The following LPCAT2 variants were observed in gnomAD, a reference collection of about 807,000 sequenced individuals.
The protein encoded by LPCAT2 is lysophosphatidylcholine acyltransferase 2, also known as 1-AGP acyltransferase 11.
LPCAT2 carries 58 observed loss-of-function variants against 64.7 expected under a neutral mutation model. The observed-to-expected ratio is 0.90, with a 90% CI of 0.73 to 1.12. The LOEUF (loss-of-function observed/expected upper bound fraction) is 1.12. Ranked by LOEUF, LPCAT2 falls within the 50% of genes most tolerant of loss-of-function variation. The pLI, the probability that LPCAT2 is intolerant of heterozygous loss-of-function variation, is 0.00. For missense variants in LPCAT2, 579 were observed against 669.8 expected (o/e 0.86, Z 1.50); for synonymous variants, 252 against 245.3 (o/e 1.03, Z -0.26).
chr16:55,567,107 C>T, intron 11 of LPCAT2: 3 of 1,613,794 alleles, frequency 1.9e-6, no homozygotes, highest in South Asian at 1.1e-5. Flanking sequence ...TTAAGACTGA[C>T]GGTTTTAGTC....
chr16:55,509,991 C>CTT lies in LPCAT2; in HGVS notation c.171+655_171+656dup, dbSNP rs57496150. ...TACGGGAGAGTAGATTTGAAGAAGT[C>CTT]TTTTTTTTTTTTTTTTTGCCTTAGG... On this transcript the variant is annotated intron_variant, in intron 1 of 13. Transcript: ENST00000262134. Among the ~76,000 whole-genome samples, 52 of 102,540 alleles carry CTT rather than the reference C, an allele frequency of 5.1e-4. 1 individual carries two copies. Among genetic ancestry groups the CTT allele is most frequent in the African/African-American group, 7.7e-4 (21 of 27,212 alleles). 67.3% of individuals were successfully genotyped at this position (102,540 alleles called of 152,430 possible). A position where few individuals can be genotyped will look rare whatever the true frequency, so the allele number is the denominator to read the frequency against.
intron 10 of LPCAT2, 33 bp from the exon 11 acceptor site, chr16:55,550,916 A>G: frequency 2.0e-6 from 3 of 1,509,204 alleles, no homozygotes; most frequent in Non-Finnish European, 2.7e-6. Flanking sequence ...TAAAGGGCTA[A>G]TAACATGTAT....
Position 55,550,891 on chromosome 16 carries a change from T to C in LPCAT2, c.1062-58T>C, listed in dbSNP as rs187827902. The C allele has an allele frequency of 2.0e-4, 259 of 1,285,710 alleles. 1 individual carries two copies. Among genetic ancestry groups the C allele is most frequent in the Middle Eastern group, 1.1e-3 (5 of 4,710 alleles). 79.6% of individuals were successfully genotyped at this position (1,285,710 alleles called of 1,614,324 possible). A position where few individuals can be genotyped will look rare whatever the true frequency, so the allele number is the denominator to read the frequency against. On this transcript the variant is annotated intron_variant, in intron 10 of 13. Transcript: ENST00000262134. ...CATTAATAAAATAATGATCATAAAA[T>C]GTGCATGTGAATTGTAAAGGGCTAA...
At chr16:55,556,807 C>T (rs993507119) in intron 11 of LPCAT2, 17 of 152,136 alleles carry the variant, frequency 1.1e-4, no homozygotes, top group African/African-American at 4.1e-4. Context: ...ATTGATGATA[C>T]CTGCCAACAC....
chr16:55,554,400 G>A (rs1215578079), intron 11 of LPCAT2, among the ~76,000 whole-genome samples: 2 of 152,184 alleles, frequency 1.3e-5, no homozygotes, highest in African/African-American at 4.8e-5. Context: ...ATGTTATGGA[G>A]ACAACTTCTT....
chr16:55,558,424 A>G (rs7190736), intron 11 of LPCAT2, among the ~76,000 whole-genome samples: 1 of 152,198 alleles, frequency 6.6e-6, no homozygotes, highest in Admixed American at 6.5e-5. Flanking sequence ...TTCTGTACCT[A>G]TAAAACAGTT....
At chr16:55,563,756 A>C (rs1963662066) in intron 11 of LPCAT2, among the ~76,000 whole-genome samples, 1 of 151,906 alleles carries the variant, frequency 6.6e-6, no homozygotes, top group Non-Finnish European at 1.5e-5. Context: ...TTCAGTGATG[A>C]AAAGACTGAA....
intron 1 of LPCAT2, among the ~76,000 whole-genome samples, chr16:55,514,320 A>T (rs1425773996): frequency 6.6e-6 from 1 of 152,162 alleles, no homozygotes; most frequent in African/African-American, 2.4e-5. Context: ...GGGACTGTAC[A>T]AGCAGAAAGT....
At chr16:55,550,789 T>C (rs1312931180) in intron 10 of LPCAT2, among the ~76,000 whole-genome samples, 160 bp from the exon 11 acceptor site, 1 of 152,200 alleles carries the variant, frequency 6.6e-6, no homozygotes, top group African/African-American at 2.4e-5. Context: ...CCTGCATATA[T>C]GTTGAATATG....
chr16:55,521,055 T>C (rs1397072247), intron 1 of LPCAT2, among the ~76,000 whole-genome samples: 1 of 151,822 alleles, frequency 6.6e-6, no homozygotes, highest in African/African-American at 2.4e-5. Flanking sequence ...ATCAAACATT[T>C]GTTTAATACA....
At chr16:55,561,385 T>TTG (rs397696411) in intron 11 of LPCAT2, among the ~76,000 whole-genome samples, 3 of 150,970 alleles carry the variant, frequency 2.0e-5, no homozygotes, top group Admixed American at 6.6e-5. Flanking sequence ...TTTTTTTTTT[T>TTG]GCAGATATGG....
At chr16:55,518,618 T>C (rs1386813064) in intron 1 of LPCAT2, among the ~76,000 whole-genome samples, 1 of 152,158 alleles carries the variant, frequency 6.6e-6, no homozygotes, top group Non-Finnish European at 1.5e-5. Context: ...AATACAGAAG[T>C]AAATTCATAC....
At position 55,509,350 on chromosome 16, in the gene LPCAT2, C is replaced by A. The variant is rs1962889114; in HGVS notation, c.169C>A (p.Gln57Lys). The A allele has an allele frequency of 1.4e-6, 2 of 1,429,518 alleles. No homozygotes were observed. Among genetic ancestry groups the A allele is most frequent in the East Asian group, 2.8e-5 (1 of 36,242 alleles). 88.6% of individuals were successfully genotyped at this position (1,429,518 alleles called of 1,614,324 possible). The change falls in exon 1 of 14, where the codon CAG (glutamine) becomes AAG (lysine). Residue 57 changes from glutamine to lysine, a missense_variant and splice_region_variant. Gln to Lys is a moderately conservative substitution (Grantham distance 53). Coordinates refer to ENST00000262134, the MANE Select transcript of LPCAT2 (RefSeq NM_017839.5). ...GCAGATCGGCTCCGCGAGGCGGGTCCAGGTGAGGGGCGTGGGTCTGAGGGG... is the reference window on the plus strand; with the variant it reads ...GCAGATCGGCTCCGCGAGGCGGGTCAAGGTGAGGGGCGTGGGTCTGAGGGG... ...QTQIGSARRV[Q>K]IVLLGIILLP...
chr16:55,515,917 A>G (rs1463140548), intron 1 of LPCAT2, among the ~76,000 whole-genome samples: 1 of 152,252 alleles, frequency 6.6e-6, no homozygotes, highest in Non-Finnish European at 1.5e-5. Context: ...GGAGAAGGCA[A>G]CAATGTAGAC....
At chr16:55,525,706 T>C in intron 2 of LPCAT2, 59 bp downstream of exon 2, 1 of 1,327,082 alleles carries the variant, frequency 7.5e-7, no homozygotes, top group Non-Finnish European at 1.0e-6. Flanking sequence ...ATATACTAAA[T>C]CAATATAAGA....
At chr16:55,556,914 C>G (rs968911182) in intron 11 of LPCAT2, 3 of 152,272 alleles carry the variant, frequency 2.0e-5, no homozygotes, top group African/African-American at 7.2e-5. Flanking sequence ...AGCTGATTGA[C>G]TAACTCATAC....
Position 55,585,760 on chromosome 16 carries a change from A to G in LPCAT2, c.*2662A>G, listed in dbSNP as rs773979421. On this transcript the variant is annotated 3_prime_UTR_variant, in exon 14 of 14. Coordinates refer to ENST00000262134, the MANE Select transcript of LPCAT2 (RefSeq NM_017839.5). ...GTGATAGTAATGCTAGCTCTAATGC[A>G]TATTTAAAGGAGACTGCCTCGCTTT... 1.3e-5 allele frequency: 2 copies of G among 152,198 alleles called. No individual in the cohort carries two copies. The highest frequency in any genetic ancestry group is 2.4e-5 in the African/African-American group (1 of 41,456). The allele number at this position is 152,198 out of a possible 1,614,324, so 9.4% of individuals were successfully genotyped here.
At chr16:55,516,937 C>G (rs1963020968) in intron 1 of LPCAT2, among the ~76,000 whole-genome samples, 1 of 152,136 alleles carries the variant, frequency 6.6e-6, no homozygotes, top group Non-Finnish European at 1.5e-5. Context: ...AAAGTATGTT[C>G]TCTGACCACA....
rs1963915855 is a variant in LPCAT2 at position 55,583,848 on chromosome 16, A to C, written c.*750A>C. The C allele has an allele frequency of 6.6e-6, 1 of 152,058 alleles. No homozygotes were observed. Among genetic ancestry groups the C allele is most frequent in the Non-Finnish European group, 1.5e-5 (1 of 68,052 alleles). The allele number at this position is 152,058 out of a possible 1,614,324, so 9.4% of individuals were successfully genotyped here. Reference sequence around the variant, plus strand: ...CAGGTGCCCACCACCACACCCGACTAATTTTTGTATTTTTAGTAGCCATGT... The same window carrying C: ...CAGGTGCCCACCACCACACCCGACTCATTTTTGTATTTTTAGTAGCCATGT... On this transcript the variant is annotated 3_prime_UTR_variant, in exon 14 of 14. Transcript: ENST00000262134.
Sources: allele counts gnomAD v4.1 joint callset (sites outside exome capture counted in the v4.1 genomes callset), GRCh38; gene constraint gnomAD v4.1.1; transcripts MANE v1.5; gene names NCBI Gene and HGNC (gene_info 2026-07-23, HGNC 2026-07-21).